Variants in COL4A2 observed in about 807,000 individuals in gnomAD.
COL4A2 encodes collagen alpha-2(IV) chain.
A neutral mutation model predicts 200.2 loss-of-function variants in COL4A2; 99 were observed. That is an observed-to-expected ratio of 0.49 (90% confidence interval 0.42 to 0.58). The LOEUF (loss-of-function observed/expected upper bound fraction) is 0.58, where lower values mean the gene tolerates loss of function less well. COL4A2 is among the 20% of genes least tolerant of loss of function. The pLI is 0.00. For synonymous variants in COL4A2, 897 were observed against 900.6 expected (o/e 1.00, Z 0.07); for missense variants, 1,950 against 2,314.1 (o/e 0.84, Z 3.23).
intron 47 of COL4A2, 27 bp from the exon 48 acceptor site, chr13:110,511,907 C>T: frequency 1.2e-6 from 2 of 1,612,976 alleles, no homozygotes; most frequent in Non-Finnish European, 1.7e-6. Flanking sequence ...TGATTCCTAA[C>T]CCTGTCCTGC....
intron 4 of COL4A2, among the ~76,000 whole-genome samples, chr13:110,375,647 T>C (rs1374882025): frequency 6.6e-6 from 1 of 152,176 alleles, no homozygotes; most frequent in South Asian, 2.1e-4. Context: ...CTAGCCAACA[T>C]GGCGAAACCT....
intron 3 of COL4A2, among the ~76,000 whole-genome samples, chr13:110,313,914 C>T (rs1245054525): frequency 6.6e-6 from 1 of 152,234 alleles, no homozygotes; most frequent in African/African-American, 2.4e-5. Context: ...TCCTGAGCTC[C>T]TGGCTGGCTC....
chr13:110,369,666 T>C (rs1877916542), intron 4 of COL4A2, among the ~76,000 whole-genome samples: 1 of 152,182 alleles, frequency 6.6e-6, no homozygotes, highest in Admixed American at 6.5e-5. Context: ...AGGAAAATTT[T>C]AGCTTTAACA....
intron 45 of COL4A2, among the ~76,000 whole-genome samples, chr13:110,504,797 G>A (rs200377977): frequency 1.3e-4 from 20 of 150,424 alleles, no homozygotes; most frequent in East Asian, 4.1e-4. Context: ...TAGTAGAGAC[G>A]GGGTTTCACC....
chr13:110,410,688 G>C (rs1333207566), intron 4 of COL4A2, among the ~76,000 whole-genome samples: 1 of 152,116 alleles, frequency 6.6e-6, no homozygotes, highest in Non-Finnish European at 1.5e-5. Flanking sequence ...AGCTTGGTTT[G>C]TTCAGAAATC....
chr13:110,439,254 G>T (rs991669807), intron 15 of COL4A2, among the ~76,000 whole-genome samples: 9 of 152,262 alleles, frequency 5.9e-5, no homozygotes, highest in African/African-American at 2.2e-4. Flanking sequence ...AATTTTGGTG[G>T]CTATCTGGCA....
In COL4A2 at chr13:110,428,513, G is replaced by A; in HGVS notation, c.407G>A (p.Gly136Asp). Residue 136 changes from glycine to aspartate, a missense_variant, in exon 7 of 48, where the codon GGC becomes GAC. Gly to Asp is a moderately conservative substitution (Grantham distance 94). Coordinates refer to ENST00000360467, the MANE Select transcript of COL4A2 (RefSeq NM_001846.4). ...CCCAGGGGAAGGCCGGGCTACGATG[G>A]CTGCAACGGAACCCAGGGAGACTCA... Reference protein sequence around the residue: ...GGPRGRPGYDGCNGTQGDSGP... With the variant: ...GGPRGRPGYDDCNGTQGDSGP... 1 of 1,586,412 alleles carries A rather than the reference G, an allele frequency of 6.3e-7. No homozygotes were observed. The highest frequency in any genetic ancestry group is 1.9e-5 in the Admixed American group (1 of 53,576).
intron 4 of COL4A2, among the ~76,000 whole-genome samples, chr13:110,381,234 GTCTCACACCCATGGGCTCTA>G (rs1320143717): frequency 1.5e-5 from 2 of 130,880 alleles, no homozygotes; most frequent in Non-Finnish European, 1.6e-5. Context: ...CATGGACTCT[GTCTCACACCCATGGGCTCTA>G]TCTCACACCC....
chr13:110,409,935 C>T (rs1206618375), intron 4 of COL4A2, among the ~76,000 whole-genome samples: 1 of 152,152 alleles, frequency 6.6e-6, no homozygotes, highest in Non-Finnish European at 1.5e-5. Flanking sequence ...GAAACCCGGC[C>T]CACACGTCCC....
At chr13:110,465,853 G>T in intron 25 of COL4A2, 150 bp from the exon 26 acceptor site, 2 of 994,110 alleles carry the variant, frequency 2.0e-6, no homozygotes, top group Non-Finnish European at 3.0e-6. Flanking sequence ...GTTCAGAGAT[G>T]GCTTTCCCGT....
intron 38 of COL4A2, among the ~76,000 whole-genome samples, chr13:110,492,612 T>C (rs1485702219): frequency 6.6e-6 from 1 of 152,252 alleles, no homozygotes; most frequent in African/African-American, 2.4e-5. Flanking sequence ...AATTGCCACC[T>C]GTTTGCTGTG....
At chr13:110,474,499 G>A (rs539427615) in intron 29 of COL4A2, among the ~76,000 whole-genome samples, 1 of 152,278 alleles carries the variant, frequency 6.6e-6, no homozygotes, top group South Asian at 2.1e-4. Context: ...GCCCATGGGT[G>A]CCACAGTTCA....
chr13:110,450,616 G>A (rs926347851), intron 20 of COL4A2, among the ~76,000 whole-genome samples, 162 bp downstream of exon 20: 5 of 152,234 alleles, frequency 3.3e-5, no homozygotes, highest in African/African-American at 4.8e-5. Flanking sequence ...GGTGTAGTGG[G>A]TGCTCTCTGG....
intron 3 of COL4A2, among the ~76,000 whole-genome samples, chr13:110,318,744 C>A (rs552816440): frequency 2.9e-4 from 44 of 152,272 alleles, no homozygotes; most frequent in Non-Finnish European, 5.1e-4. Flanking sequence ...GTTTAGCAAT[C>A]TTAGCATTGC....
intron 3 of COL4A2, among the ~76,000 whole-genome samples, chr13:110,308,993 G>T (rs1267058478): frequency 1.3e-5 from 2 of 152,196 alleles, no homozygotes; most frequent in Non-Finnish European, 1.5e-5. Flanking sequence ...CGATGGAGTA[G>T]CCCTGCCCTG....
intron 27 of COL4A2, 35 bp downstream of exon 27, chr13:110,467,131 C>A: frequency 6.2e-7 from 1 of 1,613,342 alleles, no homozygotes; most frequent in Non-Finnish European, 8.5e-7. Flanking sequence ...TGCACCCAGC[C>A]TTCCTCCCAC....
chr13:110,392,903 C>G (rs563180121), intron 4 of COL4A2, among the ~76,000 whole-genome samples: 1 of 152,316 alleles, frequency 6.6e-6, no homozygotes, highest in South Asian at 2.1e-4. Flanking sequence ...TTAGAAAGGG[C>G]TGATAGCCAT....
At chr13:110,457,832 G>T (rs906144023) in intron 21 of COL4A2, 2 of 467,984 alleles carry the variant, frequency 4.3e-6, no homozygotes, top group African/African-American at 2.0e-5. Context: ...CCATAGCAAG[G>T]TGCTGGTATA....
intron 29 of COL4A2, among the ~76,000 whole-genome samples, chr13:110,474,898 GCACACTCACGAT>G (rs1882641963): frequency 1.4e-5 from 1 of 71,738 alleles, no homozygotes; most frequent in Non-Finnish European, 3.0e-5. Context: ...ACGTGCCTAT[GCACACTCACGAT>G]CACACACATG....
Sources: allele counts gnomAD v4.1 joint callset (sites outside exome capture counted in the v4.1 genomes callset), GRCh38; gene constraint gnomAD v4.1.1; transcripts MANE v1.5; gene names NCBI Gene and HGNC (gene_info 2026-07-23, HGNC 2026-07-21).